Variants in TBXAS1 observed in about 807,000 individuals in gnomAD.
The protein encoded by TBXAS1 is thromboxane-A synthase.
Under a neutral mutation model 60.7 loss-of-function variants are expected in TBXAS1, and 48 were observed. The ratio of observed to expected loss-of-function variants is 0.79; its 90% CI spans 0.63 to 1.01. The LOEUF is 1.01. Ranked by LOEUF, TBXAS1 falls within the 50% of genes least tolerant of loss-of-function variation. TBXAS1 has a pLI of 0.00. For missense variants in TBXAS1, 685 were observed against 686.3 expected, an observed-to-expected ratio of 1.00 and a Z score of 0.02; for synonymous variants, 287 against 269.7, an observed-to-expected ratio of 1.06 and a Z score of -0.63.
intron 1 of TBXAS1, among the ~76,000 whole-genome samples, chr7:139,851,190 G>T (rs1310663118): frequency 6.6e-6 from 1 of 152,160 alleles, no homozygotes; most frequent in African/African-American, 2.4e-5. Context: ...TCTCTTAGCT[G>T]CAATAATCTT....
At chr7:139,798,295 T>C (rs1193235360) in intron 4 of TBXAS1, among the ~76,000 whole-genome samples, 1 of 151,890 alleles carries the variant, frequency 6.6e-6, no homozygotes, top group African/African-American at 2.4e-5. Context: ...GAGAAATGGA[T>C]GCCAAGGAGA....
intron 3 of TBXAS1, among the ~76,000 whole-genome samples, chr7:139,902,617 G>C (rs952831469): frequency 6.6e-6 from 1 of 152,156 alleles, no homozygotes; most frequent in Admixed American, 6.5e-5. Context: ...TCACGTCTCT[G>C]GGACAGATGT....
intron 3 of TBXAS1, among the ~76,000 whole-genome samples, chr7:139,881,453 T>C (rs1402615658): frequency 2.0e-5 from 3 of 146,864 alleles, no homozygotes; most frequent in Non-Finnish European, 3.0e-5. Flanking sequence ...ACACACCCTT[T>C]TTCCCCCCCT....
At chr7:139,941,968 G>A (rs1808327577) in intron 5 of TBXAS1, among the ~76,000 whole-genome samples, 2 of 152,158 alleles carry the variant, frequency 1.3e-5, no homozygotes, top group South Asian at 4.1e-4. Context: ...GAACACAGTG[G>A]AATCTATATA....
chr7:139,826,236 G>A (rs920854760), upstream of TBXAS1, among the ~76,000 whole-genome samples: 5 of 152,128 alleles, frequency 3.3e-5, no homozygotes, highest in Admixed American at 1.3e-4. Context: ...GAGAGAGAAT[G>A]GGTTAGCCTC....
intron 4 of TBXAS1, among the ~76,000 whole-genome samples, chr7:139,927,612 T>A (rs1806995108): frequency 6.6e-6 from 1 of 152,278 alleles, no homozygotes; most frequent in African/African-American, 2.4e-5. Context: ...TTTGAAGAAT[T>A]GACATCATGA....
chr7:139,949,453 C>T (rs571604436), intron 5 of TBXAS1, among the ~76,000 whole-genome samples: 22 of 152,216 alleles, frequency 1.4e-4, no homozygotes, highest in Admixed American at 5.2e-4. Context: ...TTAAGATAAT[C>T]GAAGGAAGAT....
chr7:139,871,860 C>T (rs1801847898), intron 1 of TBXAS1, among the ~76,000 whole-genome samples: 1 of 152,232 alleles, frequency 6.6e-6, no homozygotes, highest in East Asian at 1.9e-4. Context: ...TTTACCTTGC[C>T]TTCTGAGCAA....
intron 4 of TBXAS1, among the ~76,000 whole-genome samples, chr7:139,820,842 A>T (rs1316938915): frequency 1.3e-5 from 2 of 152,112 alleles, no homozygotes; most frequent in Non-Finnish European, 1.5e-5. Flanking sequence ...TAATTCTTGG[A>T]TTAATGAATA....
chr7:139,888,664 A>G (rs1803304117), intron 3 of TBXAS1, among the ~76,000 whole-genome samples: 1 of 152,166 alleles, frequency 6.6e-6, no homozygotes, highest in African/African-American at 2.4e-5. Context: ...AAAAAAGGAG[A>G]GGTGGCAGGT....
At chr7:139,980,659 C>A (rs918251163) in intron 9 of TBXAS1, among the ~76,000 whole-genome samples, 1 of 151,652 alleles carries the variant, frequency 6.6e-6, no homozygotes, top group Non-Finnish European at 1.5e-5. Context: ...TCCTTGGAGT[C>A]CTTCATCAAT....
chr7:139,899,691 C>G (rs931355148), intron 3 of TBXAS1, among the ~76,000 whole-genome samples: 4 of 152,166 alleles, frequency 2.6e-5, no homozygotes, highest in African/African-American at 9.7e-5. Context: ...GAACCAAGGC[C>G]TTACCTCTTT....
At chr7:139,994,946 C>T (rs561529666) in intron 9 of TBXAS1, among the ~76,000 whole-genome samples, 1 of 152,342 alleles carries the variant, frequency 6.6e-6, no homozygotes, top group South Asian at 2.1e-4. Context: ...AGGGCCCTGA[C>T]CAGGGAGGAC....
chr7:140,002,870 T>G (rs890100507), intron 9 of TBXAS1, among the ~76,000 whole-genome samples: 4 of 151,976 alleles, frequency 2.6e-5, no homozygotes, highest in Non-Finnish European at 4.4e-5. Context: ...ACACCTGTAA[T>G]CCCAGCACTT....
rs373473197 is a variant in TBXAS1 at position 140,007,230 on chromosome 7, A to G, written c.1226+48A>G. On this transcript the variant is annotated intron_variant, in intron 10 of 12. Coordinates refer to ENST00000448866, the MANE Select transcript of TBXAS1 (RefSeq NM_001061.7). ...GCCCGAGTCCCCACCTCCTACCCCT[A>G]CCCCCTGCCCCAGCCTGCAGGTCAG... The G allele has an allele frequency of 2.1e-4, 327 of 1,555,690 alleles. No individual in the cohort carries two copies. The African/African-American group carries it at 3.8e-3, about 18-fold the overall frequency.
chr7:140,000,292 G>C (rs1014025634), intron 9 of TBXAS1, among the ~76,000 whole-genome samples: 1 of 152,118 alleles, frequency 6.6e-6, no homozygotes, highest in African/African-American at 2.4e-5. Context: ...TGGAGTCCAG[G>C]AGTTCAACAC....
At chr7:139,808,795 G>A (rs1797941517) in intron 4 of TBXAS1, among the ~76,000 whole-genome samples, 1 of 152,154 alleles carries the variant, frequency 6.6e-6, no homozygotes, top group African/African-American at 2.4e-5. Context: ...GGCAGAGGCT[G>A]TGTCTCATTT....
chr7:139,876,092 T>C (rs1168302377), intron 3 of TBXAS1, among the ~76,000 whole-genome samples: 1 of 152,178 alleles, frequency 6.6e-6, no homozygotes, highest in Non-Finnish European at 1.5e-5. Flanking sequence ...AACATGACCG[T>C]GTAATTTATC....
rs534887285 is a variant in TBXAS1 at position 139,961,512 on chromosome 7, C to T, written c.820-407C>T. 3.3e-5 allele frequency among the ~76,000 whole-genome samples: 5 copies of T among 152,346 alleles called. No individual in the cohort carries two copies. In the East Asian group the frequency reaches 7.7e-4, roughly 24 times the overall value. ...TGTTGGGTGGGGACATTGCTAAAAT[C>T]GTCTATGTGTAGACAGATATAGGTG... is the stretch of plus-strand genomic sequence containing the variant. On this transcript the variant is annotated intron_variant, in intron 8 of 12. Coordinates refer to ENST00000448866, the MANE Select transcript of TBXAS1 (RefSeq NM_001061.7).
Sources: allele counts gnomAD v4.1 joint callset (sites outside exome capture counted in the v4.1 genomes callset), GRCh38; gene constraint gnomAD v4.1.1; transcripts MANE v1.5; gene names NCBI Gene and HGNC (gene_info 2026-07-23, HGNC 2026-07-21).